The following NDRG4 variants were observed in gnomAD, a reference collection of about 807,000 sequenced individuals.
The protein encoded by NDRG4 is NDRG family member 4, also known as protein NDRG4.
Under a neutral mutation model 55.8 loss-of-function variants are expected in NDRG4, and 38 were observed. The ratio of observed to expected loss-of-function variants is 0.68; its 90% CI spans 0.53 to 0.89. NDRG4 has a LOEUF of 0.89. NDRG4 is among the 40% of genes least tolerant of loss of function. NDRG4 has a pLI of 0.00. For synonymous variants in NDRG4, 190 were observed against 182.7 expected (o/e 1.04, Z -0.32); for missense variants, 455 against 468.6 (o/e 0.97, Z 0.27).
chr16:58,482,653 TTC>T (rs1213213760), intron 1 of NDRG4, among the ~76,000 whole-genome samples: 2 of 91,204 alleles, frequency 2.2e-5, no homozygotes, highest in African/African-American at 3.1e-5. Flanking sequence ...CTTCTCTCTT[TTC>T]TCTCTTTCCA....
Position 58,468,709 on chromosome 16 carries a change from A to T in NDRG4, c.-24+4912A>T, listed in dbSNP as rs551697572. 2.6e-5 allele frequency among the ~76,000 whole-genome samples: 4 copies of T among 152,270 alleles called. No individual in the cohort carries two copies. The South Asian group carries it at 8.3e-4, about 32-fold the overall frequency. Reference sequence around the variant, plus strand: ...GCCCTCCAGCCTGGGCAACAGAGCGAGTCTCAAAAATATATATATTGTGGG... The same window carrying T: ...GCCCTCCAGCCTGGGCAACAGAGCGTGTCTCAAAAATATATATATTGTGGG... On this transcript the variant is annotated intron_variant, in intron 1 of 15. Coordinates refer to the NDRG4 transcript ENST00000258187.
chr16:58,489,917 C>T (rs2035573103), intron 2 of NDRG4, among the ~76,000 whole-genome samples: 1 of 152,106 alleles, frequency 6.6e-6, no homozygotes, highest in African/African-American at 2.4e-5. Context: ...CCATCATAGC[C>T]CACTGCAGCC....
At chr16:58,494,090 A>C (rs1418082821) in intron 2 of NDRG4, among the ~76,000 whole-genome samples, 1 of 152,184 alleles carries the variant, frequency 6.6e-6, no homozygotes, top group Non-Finnish European at 1.5e-5. Context: ...CTGATTGTTC[A>C]TCCAGATCTG....
intron 1 of NDRG4, among the ~76,000 whole-genome samples, chr16:58,480,117 TTTTG>T (rs200246782): frequency 1.6e-4 from 24 of 152,108 alleles, no homozygotes; most frequent in African/African-American, 3.6e-4. Flanking sequence ...CCCTCCGATT[TTTTG>T]TTTGTTTGTT....
chr16:58,501,319 A>C, intron 1 of NDRG4: 1 of 369,832 alleles, frequency 2.7e-6, no homozygotes, highest in Non-Finnish European at 4.8e-6. Flanking sequence ...GCCCGGCTCA[A>C]AGCCCCACTC....
rs3743566 is a variant in NDRG4 at position 58,511,881 on chromosome 16, C to T, written c.*305C>T. ...GAGGGAGATTCGCTACGGATCCAGGCCATTCCTGGGTGAGCCCTTGGGCAG... is the reference window on the plus strand; with the variant it reads ...GAGGGAGATTCGCTACGGATCCAGGTCATTCCTGGGTGAGCCCTTGGGCAG... On this transcript the variant is annotated 3_prime_UTR_variant, in exon 15 of 15. Transcript: ENST00000570248. 161,546 of 459,176 alleles carry T rather than the reference C, an allele frequency of 0.35. 32,506 individuals are homozygous for T. Among genetic ancestry groups the T allele is most frequent in the African/African-American group, 0.64 (32,558 of 50,734 alleles). 28.4% of individuals were successfully genotyped at this position (459,176 alleles called of 1,614,324 possible).
chr16:58,493,778 C>G (rs981557026), intron 2 of NDRG4, among the ~76,000 whole-genome samples: 3 of 152,212 alleles, frequency 2.0e-5, no homozygotes, highest in African/African-American at 7.2e-5. Context: ...AAGGCAGAAC[C>G]TGTGAGTTCT....
Position 58,511,476 on chromosome 16 carries a change from G to T in NDRG4, c.959G>T (p.Ser320Ile), listed in dbSNP as rs1319804457. 1 of 1,612,758 alleles carries T rather than the reference G, an allele frequency of 6.2e-7. No homozygotes were observed. The highest frequency in any genetic ancestry group is 1.3e-5 in the African/African-American group (1 of 74,906). The change falls in exon 15 of 15, where the codon AGT (serine) becomes ATT (isoleucine). Residue 320 changes from serine to isoleucine, a missense_variant. Coordinates refer to ENST00000570248, the MANE Select transcript of NDRG4 (RefSeq NM_001242835.2). ...CGCTCCCGCACTGCATCCCTCACCA[G>T]TGCCAGCTCGGTGGATGGCAGCCGC... ...LARSRTASLT[S>I]ASSVDGSRPQ...
intron 1 of NDRG4, among the ~76,000 whole-genome samples, chr16:58,472,532 G>T (rs1411796615): frequency 1.3e-5 from 2 of 152,204 alleles, no homozygotes; most frequent in Non-Finnish European, 2.9e-5. Context: ...CGGGATGCTG[G>T]CTTCACCCGA....
chr16:58,485,554 C>G (rs757362762), intron 1 of NDRG4, among the ~76,000 whole-genome samples: 1 of 152,110 alleles, frequency 6.6e-6, no homozygotes, highest in Non-Finnish European at 1.5e-5. Context: ...TGTCCTGATG[C>G]GGAAGAGTTT....
At chr16:58,491,726 C>T (rs887528607) in intron 2 of NDRG4, among the ~76,000 whole-genome samples, 1 of 152,202 alleles carries the variant, frequency 6.6e-6, no homozygotes, top group Non-Finnish European at 1.5e-5. Flanking sequence ...TCCCAAAGTG[C>T]TGGGATTACA....
intron 1 of NDRG4, 111 bp downstream of exon 1, chr16:58,500,380 C>A: frequency 7.2e-7 from 1 of 1,394,678 alleles, no homozygotes; most frequent in East Asian, 2.5e-5. Context: ...GCAGCCCGGC[C>A]TTCAAATAGC....
chr16:58,507,859 G>A lies in NDRG4; in HGVS notation c.672G>A (p.Thr224=), dbSNP rs377629200. The A allele has an allele frequency of 9.3e-6, 15 of 1,613,876 alleles. No homozygotes were observed. The highest frequency in any genetic ancestry group is 2.7e-5 in the African/African-American group (2 of 74,932). ...CTGGAACGGTGCCCAATGCCAAGAC[G>A]CTCCGGTGAGTGGCCCCTGGCCCTC... The part of the protein sequence containing the change: ...NRPGTVPNAK[T]LRCPVMLVVG... Residue 224 remains threonine (T), a synonymous_variant, in exon 9 of 15, where the codon ACG becomes ACA. Coordinates refer to ENST00000570248, the MANE Select transcript of NDRG4 (RefSeq NM_001242835.2).
chr16:58,509,959 C>A (rs1555488338), intron 13 of NDRG4, among the ~76,000 whole-genome samples: 1 of 151,114 alleles, frequency 6.6e-6, no homozygotes, highest in Non-Finnish European at 1.5e-5. Flanking sequence ...CACACACACA[C>A]AACACACCCC....
intron 1 of NDRG4, among the ~76,000 whole-genome samples, chr16:58,468,471 A>T (rs546070029): frequency 6.6e-6 from 1 of 152,318 alleles, no homozygotes; most frequent in African/African-American, 2.4e-5. Context: ...CTGTAATCCC[A>T]GTACTTTGGG....
upstream of NDRG4, among the ~76,000 whole-genome samples, chr16:58,496,422 G>A (rs1050558033): frequency 3.3e-5 from 5 of 151,964 alleles, no homozygotes; most frequent in African/African-American, 4.8e-5. Context: ...CATTTTTTTC[G>A]TTTTTTGTTT....
intron 1 of NDRG4, among the ~76,000 whole-genome samples, chr16:58,477,458 A>G (rs1295476615): frequency 2.0e-5 from 3 of 152,148 alleles, no homozygotes; most frequent in Non-Finnish European, 4.4e-5. Context: ...GAGCCACCTT[A>G]AGGGAACTCC....
intron 1 of NDRG4, chr16:58,500,998 G>C: frequency 8.0e-7 from 1 of 1,245,470 alleles, no homozygotes; most frequent in Non-Finnish European, 1.0e-6. Context: ...GTGGGGGAAG[G>C]CAACGCTGGA....
chr16:58,482,157 T>C (rs2151638523), intron 1 of NDRG4, among the ~76,000 whole-genome samples: 1 of 152,300 alleles, frequency 6.6e-6, no homozygotes, highest in East Asian at 1.9e-4. Context: ...AGGGTAGAGC[T>C]GGCTAGGCCT....
Sources: gnomAD v4.1 joint callset for allele counts (sites outside exome capture counted in the v4.1 genomes callset) on GRCh38, gnomAD v4.1.1 for gene constraint, MANE v1.5 for transcripts, NCBI Gene and HGNC (gene_info 2026-07-23, HGNC 2026-07-21) for gene names.